FILIP1L: variants seen among roughly 807,000 people sequenced by gnomAD.
FILIP1L encodes filamin A-interacting protein 1-like.
A neutral mutation model predicts 96.6 loss-of-function variants in FILIP1L; 55 were observed. The ratio of observed to expected loss-of-function variants is 0.57; its 90% CI spans 0.46 to 0.71. The LOEUF (loss-of-function observed/expected upper bound fraction) is 0.71. Ranked by LOEUF, FILIP1L falls within the 30% of genes least tolerant of loss-of-function variation. FILIP1L has a pLI of 0.00. For synonymous variants in FILIP1L, 467 were observed against 473.9 expected (o/e 0.99, Z 0.19); for missense variants, 1,304 against 1,321.2 (o/e 0.99, Z 0.20).
chr3:99,942,777 C>T lies in FILIP1L; in HGVS notation c.-10-11747G>A, dbSNP rs111764718. On this transcript the variant is annotated intron_variant, in intron 1 of 5. Transcript: ENST00000477258. ...CCAGGAGACAGAGGTTGCAGTGAGC[C>T]GACACAGTGCCACTGCACTCTAGCC... is the stretch of plus-strand genomic sequence containing the variant. Among the ~76,000 whole-genome samples the T allele has an allele frequency of 4.7e-3, 706 of 151,606 alleles. 7 individuals are homozygous for T. Among genetic ancestry groups the T allele is most frequent in the African/African-American group, 0.016 (676 of 41,278 alleles).
Position 99,849,924 on chromosome 3 carries a change from T to A in FILIP1L, c.1752A>T (p.Arg584Ser), listed in dbSNP as rs770770044. ...EEEKGNDLLSRVNMLKNRLQS... is the reference protein window; with the variant it reads ...EEEKGNDLLSSVNMLKNRLQS... ...GAAGCCTATTTTTCAACATATTAAC[T>A]CTTGACAGGAGATCATTTCCTTTCT... The change falls in exon 5 of 6, where the codon AGA (arginine) becomes AGT (serine). Residue 584 changes from arginine to serine, a missense_variant. Coordinates refer to ENST00000477258, the MANE Select transcript of FILIP1L (RefSeq NM_001387850.1). 2.9e-5 allele frequency: 46 copies of A among 1,612,338 alleles called. No homozygotes were observed. Among genetic ancestry groups the A allele is most frequent in the Non-Finnish European group, 3.6e-5 (43 of 1,179,682 alleles).
intron 4 of FILIP1L, among the ~76,000 whole-genome samples, chr3:99,921,233 A>G (rs1452345341): frequency 6.6e-6 from 1 of 152,216 alleles, no homozygotes; most frequent in Admixed American, 6.5e-5. Context: ...AGCAAGGCAC[A>G]CTACGGGTAT....
At chr3:100,055,187 C>G (rs935477798) in intron 1 of FILIP1L, among the ~76,000 whole-genome samples, 4 of 152,216 alleles carry the variant, frequency 2.6e-5, no homozygotes, top group African/African-American at 9.6e-5. Context: ...TCGTCCTACT[C>G]TTATCAATTT....
intron 1 of FILIP1L, among the ~76,000 whole-genome samples, chr3:99,975,667 C>T (rs750036819): frequency 1.3e-5 from 2 of 151,924 alleles, no homozygotes; most frequent in South Asian, 2.1e-4. Flanking sequence ...AACTGAGAAA[C>T]ACAGAGGAAG....
intron 1 of FILIP1L, among the ~76,000 whole-genome samples, chr3:99,971,560 C>T (rs942973787): frequency 6.6e-6 from 1 of 152,202 alleles, no homozygotes; most frequent in Non-Finnish European, 1.5e-5. Context: ...CTCTAAGCCT[C>T]ACTTCCAAAA....
intron 4 of FILIP1L, among the ~76,000 whole-genome samples, chr3:99,918,832 A>G (rs1576572423): frequency 1.3e-5 from 2 of 152,296 alleles, no homozygotes; most frequent in East Asian, 3.9e-4. Context: ...GTGGATCTCC[A>G]TTTTGTTCTG....
chr3:100,044,355 A>G (rs937084516), intron 1 of FILIP1L, among the ~76,000 whole-genome samples: 3 of 151,808 alleles, frequency 2.0e-5, no homozygotes, highest in African/African-American at 4.9e-5. Context: ...ACATCATAGT[A>G]TAAAGAAGTA....
chr3:99,832,590 C>T (rs1278870399), intron 5 of FILIP1L, among the ~76,000 whole-genome samples: 1 of 142,700 alleles, frequency 7.0e-6, no homozygotes, highest in Admixed American at 6.9e-5. Context: ...TACCTGTAAT[C>T]CCAGCACTTT....
At chr3:99,841,397 G>A (rs555791124) in intron 5 of FILIP1L, among the ~76,000 whole-genome samples, 2 of 152,106 alleles carry the variant, frequency 1.3e-5, no homozygotes, top group African/African-American at 2.4e-5. Context: ...GCCTTTTGCC[G>A]GAACAGCAGA....
chr3:100,004,532 G>A (rs1399388533), intron 1 of FILIP1L, among the ~76,000 whole-genome samples: 1 of 152,140 alleles, frequency 6.6e-6, no homozygotes, highest in Admixed American at 6.5e-5. Flanking sequence ...TTTAGTTGCA[G>A]GTGACGTTTG....
chr3:99,946,077 G>A (rs1196065104), intron 1 of FILIP1L, among the ~76,000 whole-genome samples: 13 of 152,230 alleles, frequency 8.5e-5, no homozygotes. Context: ...TGGTTCATCA[G>A]ATAATATATG....
In FILIP1L at chr3:99,977,426, G is replaced by T. The variant is rs117381034; in HGVS notation, c.-10-46396C>A. On this transcript the variant is annotated intron_variant, in intron 1 of 5. Coordinates refer to ENST00000477258, the MANE Select transcript of FILIP1L (RefSeq NM_001387850.1). ...GTATTTCTGTGGTTCAGAAAGGTAT[G>T]CTGGGGGCCTATGGGCAATAGAAGT... 1.8e-3 allele frequency among the ~76,000 whole-genome samples: 281 copies of T among 152,276 alleles called. 3 individuals carry two copies. The South Asian group carries it at 0.032, about 17-fold the overall frequency.
intron 4 of FILIP1L, among the ~76,000 whole-genome samples, chr3:99,908,502 T>C (rs1706692307): frequency 6.6e-6 from 1 of 152,214 alleles, no homozygotes; most frequent in African/African-American, 2.4e-5. Flanking sequence ...CCCCAGGCAA[T>C]AATGATGATC....
intron 5 of FILIP1L, among the ~76,000 whole-genome samples, chr3:99,834,555 T>C (rs928948089): frequency 6.6e-6 from 1 of 152,234 alleles, no homozygotes; most frequent in Non-Finnish European, 1.5e-5. Context: ...AGCAATACTT[T>C]GTTAAAATAA....
At chr3:99,983,389 AAT>A (rs397990626) in intron 1 of FILIP1L, among the ~76,000 whole-genome samples, 10,118 of 39,368 alleles carry the variant, frequency 0.26, 807 homozygotes, top group South Asian at 0.4. Context: ...TAAATAAATA[AAT>A]ATATATATAT....
At chr3:99,945,052 T>C (rs1448666910) in intron 1 of FILIP1L, among the ~76,000 whole-genome samples, 1 of 152,010 alleles carries the variant, frequency 6.6e-6, no homozygotes, top group African/African-American at 2.4e-5. Flanking sequence ...AAGTCAAAAA[T>C]CATCAAGAAT....
Position 99,901,984 on chromosome 3 carries a change from GTT to G in FILIP1L, c.605+22244_605+22245del, listed in dbSNP as rs542857966. Among the ~76,000 whole-genome samples the G allele has an allele frequency of 1.6e-4, 25 of 152,106 alleles. No individual in the cohort carries two copies. The South Asian group carries it at 5.2e-3, about 32-fold the overall frequency. ...CAATAAACAAAACAAAACACAGAGT[GTT>G]TTTTTCATTAATTTCCTATAATCTG... On this transcript the variant is annotated intron_variant, in intron 4 of 5. Transcript: ENST00000477258.
intron 1 of FILIP1L, among the ~76,000 whole-genome samples, chr3:100,074,796 C>T (rs183143505): frequency 4.9e-5 from 7 of 142,514 alleles, no homozygotes; most frequent in African/African-American, 1.8e-4. Flanking sequence ...TGGGTTCAAG[C>T]GATTCTCTTA....
rs1046940215 is a variant in FILIP1L, at chr3:99,829,025, G to T, written c.*1389C>A. ...TCCTCCTTGAAATTGCAGGGGCCTG[G>T]GGGTGTTTGTACAGTGGCATTAGTG... On this transcript the variant is annotated 3_prime_UTR_variant, in exon 6 of 6. Coordinates refer to ENST00000477258, the MANE Select transcript of FILIP1L (RefSeq NM_001387850.1). Among the ~76,000 whole-genome samples the T allele has an allele frequency of 6.6e-6, 1 of 151,972 alleles. No homozygotes were observed. Among genetic ancestry groups the T allele is most frequent in the African/African-American group, 2.4e-5 (1 of 41,354 alleles).
Sources: allele counts gnomAD v4.1 joint callset (sites outside exome capture counted in the v4.1 genomes callset), GRCh38; gene constraint gnomAD v4.1.1; transcripts MANE v1.5; gene names NCBI Gene and HGNC (gene_info 2026-07-23, HGNC 2026-07-21).